KIZ: variants seen among roughly 807,000 people sequenced by gnomAD.
KIZ encodes the protein kizuna centrosomal protein, also known as centrosomal protein kizuna.
In KIZ, 68 loss-of-function variants were observed where a neutral mutation model predicts 79.6. The ratio of observed to expected loss-of-function variants is 0.85; its 90% CI spans 0.70 to 1.05. KIZ has a LOEUF of 1.05. Among genes scored for constraint, KIZ ranks in the 50% least tolerant of loss-of-function variants. KIZ has a pLI of 0.00. For synonymous variants in KIZ, 280 were observed against 281.8 expected (o/e 0.99, Z 0.06); for missense variants, 797 against 800.4 (o/e 1.00, Z 0.05).
At chr20:21,143,735 T>TTATTTATCCCTG (rs2122485330) in intron 3 of KIZ, among the ~76,000 whole-genome samples, 1 of 152,268 alleles carries the variant, frequency 6.6e-6, no homozygotes, top group South Asian at 2.1e-4. Context: ...GATAAGGGAA[T>TTATTTATCCCTG]TATTTATCCC....
chr20:21,221,957 A>G (rs977284629), intron 9 of KIZ, among the ~76,000 whole-genome samples: 2 of 152,088 alleles, frequency 1.3e-5, no homozygotes, highest in African/African-American at 4.8e-5. Context: ...CAGTCAAGAC[A>G]TATTACCTGT....
chr20:21,187,975 C>A (rs767480185), intron 6 of KIZ, among the ~76,000 whole-genome samples: 5 of 152,160 alleles, frequency 3.3e-5, no homozygotes, highest in Non-Finnish European at 7.3e-5. Context: ...AGGGAAGGCC[C>A]CAGAAGTAAG....
chr20:21,228,827 A>T (rs954017972), intron 9 of KIZ, among the ~76,000 whole-genome samples, 184 bp from the exon 10 acceptor site: 1 of 152,184 alleles, frequency 6.6e-6, no homozygotes, highest in Non-Finnish European at 1.5e-5. Context: ...CTTGTCTTTG[A>T]GTCTTGAAAC....
intron 6 of KIZ, among the ~76,000 whole-genome samples, chr20:21,186,465 C>T (rs772182054): frequency 2.4e-4 from 36 of 151,598 alleles, no homozygotes; most frequent in Non-Finnish European, 4.4e-4. Context: ...GTCTGACATC[C>T]CCTAAACTCT....
chr20:21,166,884 C>T (rs1163800575), intron 6 of KIZ, among the ~76,000 whole-genome samples: 7 of 152,182 alleles, frequency 4.6e-5, no homozygotes, highest in Admixed American at 3.9e-4. Flanking sequence ...TGAGCCACCA[C>T]GCCCAGCCTG....
In KIZ at chr20:21,161,977, G is replaced by A; in HGVS notation, c.512G>A (p.Arg171Lys). Residue 171 changes from arginine (R) to lysine (K), a missense_variant, in exon 5 of 13, where the codon AGA becomes AAA. Transcript: ENST00000619189. ...CAAATGTCAGCCATCTTAAGCATGAGAGATTTCAGTACAGAGCACAAATCT... is the reference window on the plus strand; with the variant it reads ...CAAATGTCAGCCATCTTAAGCATGAAAGATTTCAGTACAGAGCACAAATCT... Reference protein sequence around the residue: ...GRQMSAILSMRDFSTEHKSPQ... With the variant: ...GRQMSAILSMKDFSTEHKSPQ... 5 of 1,613,926 alleles carry A rather than the reference G, an allele frequency of 3.1e-6. No homozygotes were observed. The highest frequency in any genetic ancestry group is 4.2e-6 in the Non-Finnish European group (5 of 1,179,874).
At chr20:21,208,714 A>T (rs75604600) in intron 7 of KIZ, among the ~76,000 whole-genome samples, 1 of 152,120 alleles carries the variant, frequency 6.6e-6, no homozygotes, top group Admixed American at 6.6e-5. Context: ...AAAAAAAAAA[A>T]ATGGAATAAA....
At chr20:21,182,261 CAGTG>C (rs2034686255) in intron 6 of KIZ, among the ~76,000 whole-genome samples, 1 of 152,110 alleles carries the variant, frequency 6.6e-6, no homozygotes, top group South Asian at 2.1e-4. Flanking sequence ...TCTGAGGACA[CAGTG>C]AGGAGTCAGA....
At chr20:21,192,852 G>C (rs1452760307) in intron 6 of KIZ, among the ~76,000 whole-genome samples, 1 of 152,212 alleles carries the variant, frequency 6.6e-6, no homozygotes, top group East Asian at 1.9e-4. Flanking sequence ...GACAAAGTCT[G>C]TGTGGCCTGC....
At chr20:21,219,830 C>T (rs1161062479) in intron 9 of KIZ, among the ~76,000 whole-genome samples, 2 of 152,154 alleles carry the variant, frequency 1.3e-5, no homozygotes, top group African/African-American at 4.8e-5. Context: ...TCTGCTATCA[C>T]TTTGAAGGCA....
chr20:21,207,626 C>T (rs759753994), intron 7 of KIZ, among the ~76,000 whole-genome samples: 1 of 151,838 alleles, frequency 6.6e-6, no homozygotes, highest in Non-Finnish European at 1.5e-5. Flanking sequence ...TACAGCCCCC[C>T]GTATGCCTTT....
chr20:21,244,600 G>A lies in KIZ; in HGVS notation c.1924+312G>A, dbSNP rs181503271. 3.9e-5 allele frequency: 13 copies of A among 331,138 alleles called. No individual in the cohort carries two copies. The East Asian group carries it at 7.3e-4, about 19-fold the overall frequency. 20.5% of individuals were successfully genotyped at this position (331,138 alleles called of 1,614,324 possible). ...GTATTTTACCAATGAAATGTTTCTTGCCTCTCTCCTCATCCTCAGAAGCAC... is the reference window on the plus strand; with the variant it reads ...GTATTTTACCAATGAAATGTTTCTTACCTCTCTCCTCATCCTCAGAAGCAC... On this transcript the variant is annotated intron_variant, in intron 12 of 12. Transcript: ENST00000619189.
At chr20:21,163,234 A>G in intron 6 of KIZ, 75 bp downstream of exon 6, 1 of 1,018,358 alleles carries the variant, frequency 9.8e-7, no homozygotes, top group Non-Finnish European at 1.5e-6. Flanking sequence ...TCCACTGGGA[A>G]TGTATTATCG....
At chr20:21,164,930 T>C (rs1337107657) in intron 6 of KIZ, among the ~76,000 whole-genome samples, 2 of 152,168 alleles carry the variant, frequency 1.3e-5, no homozygotes, top group Non-Finnish European at 2.9e-5. Flanking sequence ...AAAAATATTC[T>C]CCAGGAATAG....
At chr20:21,164,305 C>T (rs1467078772) in intron 6 of KIZ, among the ~76,000 whole-genome samples, 3 of 152,136 alleles carry the variant, frequency 2.0e-5, no homozygotes, top group Admixed American at 1.3e-4. Context: ...AACTGATGTT[C>T]AGGAAATATT....
chr20:21,231,379 C>T (rs992583737), intron 10 of KIZ, among the ~76,000 whole-genome samples: 5 of 152,056 alleles, frequency 3.3e-5, no homozygotes, highest in East Asian at 3.9e-4. Context: ...CTAGTCCCTT[C>T]GATGTGTATC....
At chr20:21,244,867 C>T (rs1274338854) in intron 12 of KIZ, 4 of 153,282 alleles carry the variant, frequency 2.6e-5, no homozygotes, top group South Asian at 2.1e-4. Context: ...CTCCCAAGGT[C>T]GCCTCTTTGG....
chr20:21,176,671 C>G (rs2122863898), intron 6 of KIZ, among the ~76,000 whole-genome samples: 1 of 151,654 alleles, frequency 6.6e-6, no homozygotes, highest in South Asian at 2.1e-4. Flanking sequence ...TTTAAAATAA[C>G]TGATTAATAT....
intron 9 of KIZ, among the ~76,000 whole-genome samples, chr20:21,227,522 T>G (rs2036696144): frequency 2.0e-5 from 3 of 152,202 alleles, no homozygotes; most frequent in African/African-American, 7.2e-5. Flanking sequence ...TTTGGTTGAT[T>G]TTTATAAAAT....
Sources: gnomAD v4.1 joint callset for allele counts (sites outside exome capture counted in the v4.1 genomes callset) on GRCh38, gnomAD v4.1.1 for gene constraint, MANE v1.5 for transcripts, NCBI Gene and HGNC (gene_info 2026-07-23, HGNC 2026-07-21) for gene names.